The following TSHZ3 variants were observed in gnomAD, a reference collection of about 807,000 sequenced individuals.
TSHZ3 encodes the protein teashirt zinc finger homeobox 3, also known as teashirt homolog 3.
Under a neutral mutation model 64.5 loss-of-function variants are expected in TSHZ3, and 10 were observed. The observed-to-expected ratio is 0.16, with a 90% confidence interval of 0.10 to 0.26. The LOEUF is 0.26. TSHZ3 is among the 10% of genes least tolerant of loss of function. The probability of loss-of-function intolerance (pLI) is 1.00; values close to 1 mark genes in which losing one functional copy is unlikely to be tolerated. For missense variants in TSHZ3, 1,242 were observed against 1,421.7 expected, an observed-to-expected ratio of 0.87 and a Z score of 2.03; for synonymous variants, 608 against 593.1, an observed-to-expected ratio of 1.03 and a Z score of -0.36.
intron 5 of TSHZ3, among the ~76,000 whole-genome samples, chr19:31,164,876 G>A (rs1192274758): frequency 2.6e-5 from 4 of 152,192 alleles, no homozygotes; most frequent in African/African-American, 7.2e-5. Context: ...TGAAGTGGCC[G>A]ATTGGACCAG....
chr19:31,234,844 T>C (rs1733309497), intron 3 of TSHZ3, among the ~76,000 whole-genome samples: 1 of 152,204 alleles, frequency 6.6e-6, no homozygotes, highest in African/African-American at 2.4e-5. Flanking sequence ...CATTGTCGGC[T>C]TTTGATATCA....
chr19:31,261,158 C>A (rs186848027), intron 1 of TSHZ3, among the ~76,000 whole-genome samples: 107 of 152,308 alleles, frequency 7.0e-4, no homozygotes, highest in Admixed American at 1.4e-3. Flanking sequence ...CTCTCCCACC[C>A]CTGGCGCCCT....
chr19:31,211,034 ATAGT>A (rs1975254151), intron 4 of TSHZ3, among the ~76,000 whole-genome samples: 1 of 152,196 alleles, frequency 6.6e-6, no homozygotes, highest in African/African-American at 2.4e-5. Flanking sequence ...ATATGTTAAA[ATAGT>A]TTGTTTTTCG....
chr19:31,323,863 AAC>A (rs58051976), intron 1 of TSHZ3, among the ~76,000 whole-genome samples: 15,472 of 121,736 alleles, frequency 0.13, 833 homozygotes, highest in African/African-American at 0.13. Context: ...CCTGGCCTCC[AAC>A]ACACACACAC....
At chr19:31,163,024 T>G (rs1231521849) in intron 5 of TSHZ3, among the ~76,000 whole-genome samples, 1 of 152,212 alleles carries the variant, frequency 6.6e-6, no homozygotes, top group African/African-American at 2.4e-5. Context: ...TTAACATTCC[T>G]AGGAGCTGCA....
intron 1 of TSHZ3, among the ~76,000 whole-genome samples, chr19:31,282,386 C>T (rs1883578666): frequency 6.6e-6 from 1 of 152,122 alleles, no homozygotes; most frequent in Non-Finnish European, 1.5e-5. Flanking sequence ...GAAATGGCCC[C>T]ACAGCAGCCA....
At chr19:31,321,630 C>G (rs1027378785) in intron 1 of TSHZ3, among the ~76,000 whole-genome samples, 3 of 152,172 alleles carry the variant, frequency 2.0e-5, no homozygotes, top group African/African-American at 7.2e-5. Flanking sequence ...ATGATGTATC[C>G]TCGTTTCCCC....
intron 1 of TSHZ3, among the ~76,000 whole-genome samples, chr19:31,314,081 G>A (rs534125251): frequency 1.2e-4 from 18 of 152,282 alleles, no homozygotes; most frequent in East Asian, 1.2e-3. Flanking sequence ...TGGGCTCACC[G>A]GATGCAATTG....
At chr19:31,237,370 GCTT>G (rs1430718887) in intron 3 of TSHZ3, among the ~76,000 whole-genome samples, 10 of 151,876 alleles carry the variant, frequency 6.6e-5, no homozygotes, top group African/African-American at 1.9e-4. Context: ...TATTATTATT[GCTT>G]CTTATTATTC....
chr19:31,305,947 A>G (rs1916278069), intron 1 of TSHZ3, among the ~76,000 whole-genome samples: 1 of 152,228 alleles, frequency 6.6e-6, no homozygotes, highest in African/African-American at 2.4e-5. Context: ...ATCTTTACAT[A>G]ATTCAAGAGA....
In TSHZ3 at chr19:31,349,335, C is replaced by A. The variant is rs1599666216; in HGVS notation, c.-116G>T. On this transcript the variant is annotated 5_prime_UTR_variant, in exon 1 of 2. Transcript: ENST00000240587. ...GAGGCGGGCCTGCTCTCAGCCTCCC[C>A]CCCGGAGAGCGGCCGCCCGCAGGAT... 9.9e-7 allele frequency: 1 copy of A among 1,009,196 alleles called. No homozygotes were observed. Among genetic ancestry groups the A allele is most frequent in the East Asian group, 3.3e-5 (1 of 30,300 alleles). The allele number at this position is 1,009,196 out of a possible 1,614,324, so 62.5% of individuals were successfully genotyped here.
chr19:31,278,422 A>C lies in TSHZ3; in HGVS notation c.1371T>G (p.Asn457Lys). 6.2e-7 allele frequency: 1 copy of C among 1,614,002 alleles called. No homozygotes were observed. The highest frequency in any genetic ancestry group is 8.5e-7 in the Non-Finnish European group (1 of 1,180,006). ...GTTTTGGGGAGATGCTGGCAGGTGT[A>C]TTGGAGGGGGACGTGAAGGTGGTGG... ...LAATTFTSPS[N>K]TPASISPKLN... Residue 457 changes from asparagine to lysine, a missense_variant, in exon 2 of 2, where the codon AAT (asparagine) becomes AAG (lysine). Coordinates refer to ENST00000240587, the MANE Select transcript of TSHZ3 (RefSeq NM_020856.4). This position sits in a 1 kb window ranked among gnomAD's most constrained non-coding sequence, Gnocchi z 4.7.
chr19:31,207,864 G>A (rs924982813), intron 4 of TSHZ3, among the ~76,000 whole-genome samples: 2 of 152,220 alleles, frequency 1.3e-5, no homozygotes, highest in Admixed American at 1.3e-4. Context: ...TGATTAATGT[G>A]TGTATAAAGC....
intron 5 of TSHZ3, among the ~76,000 whole-genome samples, chr19:31,189,152 C>A (rs989452149): frequency 2.6e-5 from 4 of 151,570 alleles, no homozygotes; most frequent in African/African-American, 9.7e-5. Context: ...TTTGTGTTTC[C>A]CCTCTTCTGT....
At chr19:31,342,554 C>T (rs1917469821) in intron 1 of TSHZ3, among the ~76,000 whole-genome samples, 1 of 152,104 alleles carries the variant, frequency 6.6e-6, no homozygotes, top group Non-Finnish European at 1.5e-5. Context: ...AATTTAAATT[C>T]AAAACCCATT....
At chr19:31,151,135 G>A (rs978104796) in exon 7 of TSHZ3, among the ~76,000 whole-genome samples, 5 of 152,150 alleles carry the variant, frequency 3.3e-5, no homozygotes, top group African/African-American at 7.2e-5. Flanking sequence ...AAGTTTTGAC[G>A]AAGAGGAGAA....
At chr19:31,333,779 C>T (rs1024161219) in intron 1 of TSHZ3, among the ~76,000 whole-genome samples, 2 of 152,110 alleles carry the variant, frequency 1.3e-5, no homozygotes, top group African/African-American at 2.4e-5. Context: ...ACTTGGCCAG[C>T]GCGTTCCCGT....
intron 1 of TSHZ3, among the ~76,000 whole-genome samples, chr19:31,305,190 C>T (rs369076939): frequency 5.7e-4 from 86 of 152,192 alleles, no homozygotes; most frequent in African/African-American, 2.0e-3. Context: ...CTGCCACCCC[C>T]TCCACACACA....
At chr19:31,204,031 G>A (rs535954025) in intron 5 of TSHZ3, among the ~76,000 whole-genome samples, 5 of 152,208 alleles carry the variant, frequency 3.3e-5, no homozygotes, top group South Asian at 4.1e-4. Context: ...GCAAGAGAGC[G>A]AAGTGCAAGC....
Sources: allele counts gnomAD v4.1 joint callset (sites outside exome capture counted in the v4.1 genomes callset), GRCh38; gene constraint gnomAD v4.1.1; non-coding constraint Gnocchi (gnomAD v3.1); transcripts MANE v1.5; gene names NCBI Gene and HGNC (gene_info 2026-07-23, HGNC 2026-07-21).